ZFAND6: variants seen among roughly 807,000 people sequenced by gnomAD.
ZFAND6 encodes the protein zinc finger AN1-type containing 6, also known as AN1-type zinc finger protein 6.
A neutral mutation model predicts 24.5 loss-of-function variants in ZFAND6; 12 were observed. The observed-to-expected ratio is 0.49, with a 90% CI of 0.31 to 0.79. The LOEUF is 0.79. Ranked by LOEUF, ZFAND6 falls within the 30% of genes least tolerant of loss-of-function variation. The pLI, the probability that ZFAND6 is intolerant of heterozygous loss-of-function variation, is 0.04. For synonymous variants in ZFAND6, 92 were observed against 81.5 expected (o/e 1.13, Z -0.69); for missense variants, 207 against 245.9 (o/e 0.84, Z 1.06).
At chr15:80,064,590 A>G (rs1421521040) in intron 1 of ZFAND6, among the ~76,000 whole-genome samples, 2 of 129,874 alleles carry the variant, frequency 1.5e-5, no homozygotes, top group African/African-American at 3.0e-5. Context: ...ACACAAATAT[A>G]TATACACATG....
At chr15:80,079,938 C>T (rs1229656806) in intron 1 of ZFAND6, among the ~76,000 whole-genome samples, 2 of 152,080 alleles carry the variant, frequency 1.3e-5, no homozygotes, top group Non-Finnish European at 1.5e-5. Flanking sequence ...GCATGAGCCA[C>T]CACGCCTGGC....
chr15:80,131,613 A>G (rs958460000), intron 6 of ZFAND6: 4 of 364,372 alleles, frequency 1.1e-5, no homozygotes, highest in Non-Finnish European at 1.5e-5. Context: ...AGTACTTGGT[A>G]AACTGGAAGT....
Position 80,095,618 on chromosome 15 carries a change from G to GT in ZFAND6, c.-180-2797dup, listed in dbSNP as rs1318031686. Among the ~76,000 whole-genome samples, 3 of 152,278 alleles carry GT rather than the reference G, an allele frequency of 2.0e-5. No homozygotes were observed. In the East Asian group the frequency reaches 5.8e-4, roughly 29 times the overall value. On this transcript the variant is annotated intron_variant, in intron 1 of 6. Coordinates refer to ENST00000261749, the MANE Select transcript of ZFAND6 (RefSeq NM_019006.4). ...GATTTAGATATTTAACCGGGTTTAG[G>GT]TATTTAATTGTAGGAGCTCAGTACC...
chr15:80,108,994 C>G (rs2039475281), intron 2 of ZFAND6, among the ~76,000 whole-genome samples: 1 of 152,142 alleles, frequency 6.6e-6, no homozygotes, highest in Non-Finnish European at 1.5e-5. Flanking sequence ...TCCCAAAGTG[C>G]TGGGATTACA....
chr15:80,087,829 A>G (rs915445457), intron 1 of ZFAND6, among the ~76,000 whole-genome samples: 5 of 152,076 alleles, frequency 3.3e-5, no homozygotes, highest in Admixed American at 2.6e-4. Context: ...TTGCTTTATC[A>G]TATTCTTACT....
chr15:80,094,742 T>C (rs916460846), intron 1 of ZFAND6, among the ~76,000 whole-genome samples: 8 of 152,164 alleles, frequency 5.3e-5, no homozygotes, highest in Admixed American at 1.3e-4. Context: ...AGTTATCTAA[T>C]ACACAGTCCA....
chr15:80,097,641 G>A (rs1386736983), intron 1 of ZFAND6, among the ~76,000 whole-genome samples: 2 of 145,858 alleles, frequency 1.4e-5, no homozygotes, highest in African/African-American at 2.5e-5. Context: ...CAACAAGAAC[G>A]AAACTGTCTC....
intron 1 of ZFAND6, among the ~76,000 whole-genome samples, chr15:80,084,486 G>T (rs2037872190): frequency 6.6e-6 from 1 of 152,240 alleles, no homozygotes; most frequent in African/African-American, 2.4e-5. Context: ...AACTGGCCAA[G>T]AAGTGGGAGG....
chr15:80,136,027 G>T (rs1596326793), intron 6 of ZFAND6, among the ~76,000 whole-genome samples: 1 of 151,914 alleles, frequency 6.6e-6, no homozygotes, highest in Non-Finnish European at 1.5e-5. Context: ...TCAGAAGGCT[G>T]AGGTGGAAGG....
chr15:80,086,971 C>T (rs1290427653), intron 1 of ZFAND6, among the ~76,000 whole-genome samples: 2 of 152,154 alleles, frequency 1.3e-5, no homozygotes, highest in African/African-American at 4.8e-5. Flanking sequence ...AGGGTTCATC[C>T]AGATTGTAGT....
At chr15:80,103,914 T>C (rs1157123402) in intron 2 of ZFAND6, among the ~76,000 whole-genome samples, 1 of 152,126 alleles carries the variant, frequency 6.6e-6, no homozygotes, top group East Asian at 1.9e-4. Flanking sequence ...AGTGGTGTGA[T>C]CTCAGCTCAC....
At chr15:80,136,017 T>G (rs1309058539) in intron 6 of ZFAND6, among the ~76,000 whole-genome samples, 2 of 151,644 alleles carry the variant, frequency 1.3e-5, no homozygotes, top group African/African-American at 2.4e-5. Context: ...TCCCAGCTAC[T>G]CAGAAGGCTG....
chr15:80,104,716 C>T (rs2039228921), intron 2 of ZFAND6, among the ~76,000 whole-genome samples: 1 of 152,120 alleles, frequency 6.6e-6, no homozygotes, highest in Admixed American at 6.5e-5. Context: ...CTTAAGTAGT[C>T]ATATTCTTCT....
chr15:80,123,581 C>T (rs969917945), intron 5 of ZFAND6, among the ~76,000 whole-genome samples: 2 of 152,194 alleles, frequency 1.3e-5, no homozygotes, highest in Non-Finnish European at 2.9e-5. Flanking sequence ...ACAGATACAT[C>T]TGCCAATCCT....
intron 1 of ZFAND6, among the ~76,000 whole-genome samples, chr15:80,065,954 A>G (rs2036608538): frequency 6.6e-6 from 1 of 152,216 alleles, no homozygotes. Context: ...CTTTAGCTAT[A>G]TTACTTAAAT....
rs2038511236 is a variant in ZFAND6 at position 80,093,422 on chromosome 15, G to A, written c.-180-4994G>A. On this transcript the variant is annotated intron_variant, in intron 1 of 6. Coordinates refer to ENST00000261749, the MANE Select transcript of ZFAND6 (RefSeq NM_019006.4). ...TTTCTCTATATTCTTTCAAATAATC[G>A]GAAAACATGAAGAAGTGATTCCTGG... Among the ~76,000 whole-genome samples the A allele has an allele frequency of 2.0e-5, 3 of 151,972 alleles. 1 individual carries two copies. The highest frequency in any genetic ancestry group is 7.2e-5 in the African/African-American group (3 of 41,468).
intron 2 of ZFAND6, among the ~76,000 whole-genome samples, chr15:80,102,295 G>A (rs141444744): frequency 1.6e-3 from 245 of 152,046 alleles, no homozygotes; most frequent in African/African-American, 5.8e-3. Flanking sequence ...TTTTAGTAGA[G>A]ACAAAGTTTT....
Position 80,131,239 on chromosome 15 carries a change from C to A in ZFAND6, c.424C>A (p.Pro142Thr), listed in dbSNP as rs2040587931. 1 of 1,612,576 alleles carries A rather than the reference C, an allele frequency of 6.2e-7. No individual in the cohort carries two copies. Among genetic ancestry groups the A allele is most frequent in the Non-Finnish European group, 8.5e-7 (1 of 1,179,210 alleles). The change falls in exon 6 of 7, where the codon CCG becomes ACG. Residue 142 changes from proline to threonine, a missense_variant. Physicochemically the swap from Pro to Thr is conservative, Grantham distance 38. Around this residue, in one of 3 missense-constraint regions of ZFAND6, gnomAD observed 133 missense variants for 122.8 expected, o/e 1.08. Transcript: ENST00000261749. Reference sequence around the variant, plus strand: ...AGAGCAAAGCAAGTCTCTTGAAAAACCGAAACAAAAAAAGAATCGCTGTTT... The same window carrying A: ...AGAGCAAAGCAAGTCTCTTGAAAAAACGAAACAAAAAAAGAATCGCTGTTT... ...SEEQSKSLEK[P>T]KQKKNRCFMC...
intron 2 of ZFAND6, among the ~76,000 whole-genome samples, chr15:80,106,691 G>A (rs933561274): frequency 6.6e-6 from 1 of 150,774 alleles, no homozygotes; most frequent in African/African-American, 2.4e-5. Flanking sequence ...GTTATTACAA[G>A]TAAGTTGTTT....
Sources: allele counts gnomAD v4.1 joint callset (sites outside exome capture counted in the v4.1 genomes callset), GRCh38; gene constraint gnomAD v4.1.1; regional missense constraint gnomAD v4.1.1; transcripts MANE v1.5; gene names NCBI Gene and HGNC (gene_info 2026-07-23, HGNC 2026-07-21).